The following ST18 variants were observed in gnomAD, a reference collection of about 807,000 sequenced individuals.
ST18 encodes suppression of tumorigenicity 18 protein.
A neutral mutation model predicts 110.0 loss-of-function variants in ST18; 50 were observed. The ratio of observed to expected loss-of-function variants is 0.45; its 90% CI spans 0.36 to 0.58. The LOEUF (loss-of-function observed/expected upper bound fraction) is 0.58. Ranked by LOEUF, ST18 falls within the 20% of genes least tolerant of loss-of-function variation. The pLI is 0.00. For missense variants in ST18, 1,306 were observed against 1,280.1 expected (o/e 1.02, Z -0.31); for synonymous variants, 461 against 452.4 (o/e 1.02, Z -0.24).
chr8:52,165,684 C>T (rs536511123), intron 11 of ST18, among the ~76,000 whole-genome samples: 7 of 152,310 alleles, frequency 4.6e-5, no homozygotes, highest in African/African-American at 1.4e-4. Flanking sequence ...ACCCCACTGC[C>T]ATTTGGTTAC....
chr8:52,346,068 T>A (rs1281864117), intron 2 of ST18, among the ~76,000 whole-genome samples: 3 of 151,468 alleles, frequency 2.0e-5, no homozygotes, highest in Admixed American at 6.6e-5. Context: ...GGGAACATAA[T>A]AAAAATGAAA....
chr8:52,332,172 C>T (rs1809807547), intron 2 of ST18, among the ~76,000 whole-genome samples: 1 of 151,912 alleles, frequency 6.6e-6, no homozygotes, highest in African/African-American at 2.4e-5. Flanking sequence ...AAATATTATA[C>T]TAAACAACCT....
chr8:52,211,235 A>C (rs2082042737), intron 8 of ST18, among the ~76,000 whole-genome samples: 1 of 152,158 alleles, frequency 6.6e-6, no homozygotes. Flanking sequence ...AAACCTGTTA[A>C]GGTGGAATTT....
intron 2 of ST18, among the ~76,000 whole-genome samples, chr8:52,286,378 T>C (rs961442881): frequency 3.9e-5 from 6 of 152,298 alleles, no homozygotes; most frequent in Admixed American, 1.3e-4. Context: ...AGTCACATCA[T>C]TGTGTGGAAA....
At chr8:52,340,798 C>T (rs1407363765) in intron 2 of ST18, among the ~76,000 whole-genome samples, 1 of 152,186 alleles carries the variant, frequency 6.6e-6, no homozygotes, top group South Asian at 2.1e-4. Flanking sequence ...AATATACCTC[C>T]CTGTTGTCAC....
At chr8:52,389,756 C>G (rs184455642) in intron 2 of ST18, among the ~76,000 whole-genome samples, 1 of 152,124 alleles carries the variant, frequency 6.6e-6, no homozygotes. Flanking sequence ...TCGTGCAGGT[C>G]CCCTGGGTCA....
intron 2 of ST18, chr8:52,405,614 A>G (rs1413952804): frequency 6.6e-6 from 1 of 152,202 alleles, no homozygotes; most frequent in African/African-American, 2.4e-5. Context: ...TTAATAACAC[A>G]AGGATTATTC....
chr8:52,298,528 A>T (rs2095667674), intron 2 of ST18, among the ~76,000 whole-genome samples: 2 of 152,198 alleles, frequency 1.3e-5, no homozygotes, highest in African/African-American at 4.8e-5. Flanking sequence ...AATTACAGAT[A>T]CCTCACATTT....
chr8:52,184,882 C>T (rs926587910), intron 8 of ST18, among the ~76,000 whole-genome samples: 1 of 152,134 alleles, frequency 6.6e-6, no homozygotes, highest in Non-Finnish European at 1.5e-5. Flanking sequence ...GGTATTCCTA[C>T]TGATTTCTTC....
chr8:52,177,914 T>C lies in ST18; in HGVS notation c.277+2208A>G, dbSNP rs1295313360. Among the ~76,000 whole-genome samples, 7 of 152,208 alleles carry C rather than the reference T, an allele frequency of 4.6e-5. No individual in the cohort carries two copies. The East Asian group carries it at 1.3e-3, about 29-fold the overall frequency. On this transcript the variant is annotated intron_variant, in intron 9 of 25. Transcript: ENST00000689386. ...ATATCATTTACGTGTCTGGAATATA[T>C]TAAGAACTCAAAAACAATGGTCACC...
intron 11 of ST18, among the ~76,000 whole-genome samples, chr8:52,165,635 T>C (rs908771150): frequency 2.6e-5 from 4 of 152,220 alleles, no homozygotes; most frequent in African/African-American, 9.6e-5. Flanking sequence ...CTAAGTGATA[T>C]CATTTTGATT....
At chr8:52,388,694 C>T (rs1837878016) in intron 2 of ST18, among the ~76,000 whole-genome samples, 1 of 151,416 alleles carries the variant, frequency 6.6e-6, no homozygotes, top group African/African-American at 2.4e-5. Context: ...GAGAAGTCTA[C>T]TCAGATGGGA....
chr8:52,165,961 C>T (rs910277674), intron 11 of ST18, among the ~76,000 whole-genome samples: 2 of 152,226 alleles, frequency 1.3e-5, no homozygotes, highest in Admixed American at 1.3e-4. Flanking sequence ...AGATAGCTCA[C>T]AGCGGGGCTG....
intron 2 of ST18, among the ~76,000 whole-genome samples, chr8:52,336,918 T>A (rs1258281876): frequency 6.6e-6 from 1 of 152,230 alleles, no homozygotes; most frequent in South Asian, 2.1e-4. Context: ...GTAGTTTCTG[T>A]CACAATCCTT....
chr8:52,167,236 A>G (rs901349170), intron 10 of ST18, among the ~76,000 whole-genome samples: 1 of 152,234 alleles, frequency 6.6e-6, no homozygotes, highest in African/African-American at 2.4e-5. Context: ...GATGGTTTTA[A>G]GTCGTCAAGT....
chr8:52,345,007 C>T (rs1817065547), intron 2 of ST18, among the ~76,000 whole-genome samples: 1 of 152,112 alleles, frequency 6.6e-6, no homozygotes, highest in Admixed American at 6.5e-5. Flanking sequence ...GCTTAAGTGA[C>T]TTTGACTCCA....
In ST18 at chr8:52,195,107, T is replaced by C. The variant is rs570322981; in HGVS notation, c.87-14795A>G. On this transcript the variant is annotated intron_variant, in intron 8 of 25. Coordinates refer to ENST00000689386, the MANE Select transcript of ST18 (RefSeq NM_001352837.2). Reference sequence around the variant, plus strand: ...GTTCAGCTACTGCATAGCCATGGATTAGCTATACAATATAGAAACAGGATC... The same window carrying C: ...GTTCAGCTACTGCATAGCCATGGATCAGCTATACAATATAGAAACAGGATC... Among the ~76,000 whole-genome samples the C allele has an allele frequency of 2.8e-3, 419 of 152,282 alleles. 4 individuals are homozygous for C. Among genetic ancestry groups the C allele is most frequent in the Non-Finnish European group, 5.4e-3 (367 of 68,016 alleles).
At position 52,136,733 on chromosome 8, in the gene ST18, G is replaced by C. The variant is rs191343249; in HGVS notation, c.2232-75C>G. On this transcript the variant is annotated intron_variant, in intron 18 of 25. Coordinates refer to ENST00000689386, the MANE Select transcript of ST18 (RefSeq NM_001352837.2). The stretch of plus-strand genomic sequence containing the variant: ...TCTGAGTCAAATGGCATCCTGAGTC[G>C]TGAACATACGTTAAATTATTGGTGA... 2.8e-5 allele frequency: 34 copies of C among 1,228,738 alleles called. No individual in the cohort carries two copies. In the African/African-American group the frequency reaches 4.9e-4, roughly 18 times the overall value. 76.1% of individuals were successfully genotyped at this position (1,228,738 alleles called of 1,614,324 possible). A position where few individuals can be genotyped will look rare whatever the true frequency, so the allele number is the denominator to read the frequency against.
chr8:52,252,354 T>C (rs764134084), intron 2 of ST18, among the ~76,000 whole-genome samples: 24 of 152,012 alleles, frequency 1.6e-4, no homozygotes, highest in Non-Finnish European at 3.1e-4. Context: ...ATTCAGAGTA[T>C]GTATGTTAAC....
Sources: gnomAD v4.1 joint callset for allele counts (sites outside exome capture counted in the v4.1 genomes callset) on GRCh38, gnomAD v4.1.1 for gene constraint, MANE v1.5 for transcripts, NCBI Gene and HGNC (gene_info 2026-07-23, HGNC 2026-07-21) for gene names.